KANK1: variants seen among roughly 807,000 people sequenced by gnomAD.
KANK1 encodes KN motif and ankyrin repeat domain-containing protein 1.
KANK1 carries 109 observed loss-of-function variants against 106.2 expected under a neutral mutation model. The ratio of observed to expected loss-of-function variants is 1.03; its 90% CI spans 0.88 to 1.20. KANK1 has a LOEUF of 1.20. Among genes scored for constraint, KANK1 ranks in the 50% most tolerant of loss-of-function variants. The pLI is 0.00. For synonymous variants in KANK1, 873 were observed against 652.2 expected (o/e 1.34, Z -5.16); for missense variants, 2,399 against 1,710.7 (o/e 1.40, Z -7.10).
chr9:522,399 C>T (rs2059592384), intron 1 of KANK1, among the ~76,000 whole-genome samples: 1 of 151,618 alleles, frequency 6.6e-6, no homozygotes, highest in African/African-American at 2.4e-5. Context: ...AGCTGGATAG[C>T]ACTCCTAACG....
intron 1 of KANK1, among the ~76,000 whole-genome samples, chr9:604,422 G>C (rs931729392): frequency 4.0e-5 from 6 of 151,630 alleles, no homozygotes; most frequent in Admixed American, 1.3e-4. Context: ...GTTCTCATGA[G>C]ATCTAATGGT....
chr9:632,616 TG>T (rs1836013301), intron 1 of KANK1, among the ~76,000 whole-genome samples: 1 of 152,158 alleles, frequency 6.6e-6, no homozygotes, highest in Admixed American at 6.5e-5. Flanking sequence ...GGAGTCACAC[TG>T]AGGATTTATC....
intron 2 of KANK1, among the ~76,000 whole-genome samples, chr9:472,977 C>G (rs966402087): frequency 6.6e-6 from 1 of 152,204 alleles, no homozygotes; most frequent in African/African-American, 2.4e-5. Flanking sequence ...GGTTGTTATT[C>G]AAGTAAAGCT....
At chr9:719,833 C>A (rs1043861035) in intron 3 of KANK1, among the ~76,000 whole-genome samples, 10 of 152,084 alleles carry the variant, frequency 6.6e-5, no homozygotes, top group African/African-American at 2.4e-4. Context: ...CCACTGCAGC[C>A]CCCAACTTCT....
At chr9:533,603 A>G (rs2133606581) in intron 1 of KANK1, among the ~76,000 whole-genome samples, 1 of 152,268 alleles carries the variant, frequency 6.6e-6, no homozygotes, top group South Asian at 2.1e-4. Context: ...ACTGGATCAT[A>G]CTCTGGTATC....
intron 1 of KANK1, among the ~76,000 whole-genome samples, chr9:512,304 T>C (rs569068838): frequency 6.6e-6 from 1 of 152,032 alleles, no homozygotes; most frequent in South Asian, 2.1e-4. Flanking sequence ...TTATTCAGTT[T>C]GGAGGCGGGC....
intron 1 of KANK1, among the ~76,000 whole-genome samples, chr9:579,617 C>G (rs1157071032): frequency 6.6e-6 from 1 of 152,104 alleles, no homozygotes; most frequent in African/African-American, 2.4e-5. Context: ...GGTCTCACAT[C>G]TTTATGTGGT....
intron 1 of KANK1, among the ~76,000 whole-genome samples, chr9:559,114 C>G (rs1049165136): frequency 2.6e-5 from 4 of 151,992 alleles, no homozygotes; most frequent in East Asian, 1.9e-4. Flanking sequence ...TTTAAATGAG[C>G]CTTTTTGGGG....
intron 7 of KANK1, among the ~76,000 whole-genome samples, chr9:735,459 T>A (rs1487813241): frequency 2.6e-5 from 4 of 152,244 alleles, no homozygotes; most frequent in African/African-American, 7.2e-5. Context: ...TGTGACACCA[T>A]GGCCAAGAAT....
chr9:547,022 A>G (rs762666587), intron 1 of KANK1, among the ~76,000 whole-genome samples: 7 of 152,198 alleles, frequency 4.6e-5, no homozygotes, highest in Non-Finnish European at 1.0e-4. Flanking sequence ...TATCTCAACA[A>G]TGTCAAAATT....
At chr9:580,193 C>T (rs1821691839) in intron 1 of KANK1, among the ~76,000 whole-genome samples, 1 of 151,834 alleles carries the variant, frequency 6.6e-6, no homozygotes, top group Non-Finnish European at 1.5e-5. Flanking sequence ...GGCGGCGCGT[C>T]TGGAGTTGTT....
chr9:682,034 C>G (rs7870395), intron 2 of KANK1, among the ~76,000 whole-genome samples: 1,949 of 152,144 alleles, frequency 0.013, 44 homozygotes, highest in African/African-American at 0.045. Flanking sequence ...AATTCCAGCA[C>G]TTTGGGAGGC....
At chr9:504,779 C>CGCGCCCCCTGCCGCGCT in intron 1 of KANK1, 25 bp downstream of exon 1, 1 of 140,920 alleles carries the variant, frequency 7.1e-6, no homozygotes, top group Non-Finnish European at 1.5e-5. Context: ...GGGGCCGTGC[C>CGCGCCCCCTGCCGCGCT]GCGCCCCGTG....
chr9:575,570 C>G (rs1054298708), intron 1 of KANK1, among the ~76,000 whole-genome samples: 1 of 150,940 alleles, frequency 6.6e-6, no homozygotes, highest in African/African-American at 2.4e-5. Flanking sequence ...GCTCAGGAGA[C>G]TGAGGTGGGA....
At position 712,761 on chromosome 9, in the gene KANK1, G is replaced by A. The variant is rs202056007; in HGVS notation, c.1995G>A (p.Val665=). 46 of 1,613,862 alleles carry A rather than the reference G, an allele frequency of 2.9e-5. No individual in the cohort carries two copies. In the Admixed American group the frequency reaches 6.8e-4, roughly 24 times the overall value. Residue 665 remains valine, a synonymous_variant, in exon 3 of 12, where the codon GTG becomes GTA. Transcript: ENST00000382297. ...VSQVEAAVMA[V]PRTADQDTST... ...AGGTGGAAGCTGCCGTCATGGCAGT[G>A]CCTCGTACTGCAGACCAGGACACTA...
chr9:590,888 A>G (rs1052078324), intron 1 of KANK1, among the ~76,000 whole-genome samples: 10 of 151,834 alleles, frequency 6.6e-5, no homozygotes, highest in Non-Finnish European at 1.5e-4. Context: ...TAAAATTAGG[A>G]AAGAGGTTTA....
At chr9:733,362 A>T (rs1375501373) in intron 6 of KANK1, 1 of 152,252 alleles carries the variant, frequency 6.6e-6, no homozygotes, top group African/African-American at 2.4e-5. Context: ...CATTAAAACA[A>T]GGTAAGTGTT....
In KANK1 at chr9:676,948, G is replaced by C; in HGVS notation, c.-25G>C. ...TTGCATGACTCCTCACTCCTTTCTGGATCTCTCATTGGACTCAAGCCAGCA... is the reference window on the plus strand; with the variant it reads ...TTGCATGACTCCTCACTCCTTTCTGCATCTCTCATTGGACTCAAGCCAGCA... On this transcript the variant is annotated 5_prime_UTR_variant, in exon 2 of 12. Coordinates refer to ENST00000382297, the MANE Select transcript of KANK1 (RefSeq NM_015158.5). 6.2e-7 allele frequency: 1 copy of C among 1,610,862 alleles called. No individual in the cohort carries two copies. Among genetic ancestry groups the C allele is most frequent in the East Asian group, 2.2e-5 (1 of 44,834 alleles).
chr9:633,738 G>A (rs1411600034), intron 1 of KANK1, among the ~76,000 whole-genome samples: 1 of 152,134 alleles, frequency 6.6e-6, no homozygotes, highest in Non-Finnish European at 1.5e-5. Flanking sequence ...TTGCAGCCCT[G>A]AACTCCTAGA....
Sources: allele counts gnomAD v4.1 joint callset (sites outside exome capture counted in the v4.1 genomes callset), GRCh38; gene constraint gnomAD v4.1.1; transcripts MANE v1.5; gene names NCBI Gene and HGNC (gene_info 2026-07-23, HGNC 2026-07-21).